Variants in PRH1 observed in about 807,000 individuals in gnomAD.
The protein encoded by PRH1 is proline rich protein HaeIII subfamily 1.
A neutral mutation model predicts 7.9 loss-of-function variants in PRH1; 7 were observed. The ratio of observed to expected loss-of-function variants is 0.89; its 90% CI spans 0.50 to 1.67. The LOEUF (loss-of-function observed/expected upper bound fraction) is 1.67, where lower values mean the gene tolerates loss of function less well. Among genes scored for constraint, PRH1 ranks in the 40% most tolerant of loss-of-function variants. PRH1 has a pLI of 0.00. For missense variants in PRH1, 109 were observed against 223.6 expected (o/e 0.49, Z 3.27); for synonymous variants, 45 against 80.8 (o/e 0.56, Z 2.38).
At chr12:10,965,839 T>A (rs1938474011) in intron 2 of PRH1, among the ~76,000 whole-genome samples, 1 of 152,224 alleles carries the variant, frequency 6.6e-6, no homozygotes, top group Non-Finnish European at 1.5e-5. Context: ...ATCATCACCA[T>A]GACCAATTTT....
At chr12:10,951,761 T>G (rs890532763) in intron 2 of PRH1, among the ~76,000 whole-genome samples, 7 of 152,222 alleles carry the variant, frequency 4.6e-5, no homozygotes, top group African/African-American at 1.4e-4. Context: ...TGTTTTCGAT[T>G]GAAGAATATT....
rs562139680 is a variant in PRH1 at position 11,062,336 on chromosome 12, T to C, written n.124-15148A>G. 89 of 1,542,878 alleles carry C rather than the reference T, an allele frequency of 5.8e-5. No homozygotes were observed. In the South Asian group the frequency reaches 1.1e-3, roughly 19 times the overall value. Reference sequence around the variant, plus strand: ...AGAAATTTTTAAAATGCTGGTGTAATATCACTGGTTGTGATTGCTTGAATA... The same window carrying C: ...AGAAATTTTTAAAATGCTGGTGTAACATCACTGGTTGTGATTGCTTGAATA... On this transcript the variant is annotated intron_variant and non_coding_transcript_variant, in intron 1 of 4. Transcript: ENST00000541977.
chr12:10,925,452 G>C (rs1293041835), intron 2 of PRH1, among the ~76,000 whole-genome samples: 1 of 152,230 alleles, frequency 6.6e-6, no homozygotes, highest in African/African-American at 2.4e-5. Flanking sequence ...CATTTCAAAG[G>C]ACAGGCTCAA....
At chr12:11,154,074 C>T (rs1268906208) in intron 1 of PRH1, among the ~76,000 whole-genome samples, 1 of 151,896 alleles carries the variant, frequency 6.6e-6, no homozygotes, top group Non-Finnish European at 1.5e-5. Flanking sequence ...ATATAGTATT[C>T]AACATACTCA....
chr12:11,150,458 G>A (rs1393093599), intron 1 of PRH1, among the ~76,000 whole-genome samples: 1 of 152,064 alleles, frequency 6.6e-6, no homozygotes, highest in Non-Finnish European at 1.5e-5. Context: ...AAGAAAATGT[G>A]GCACATATAC....
At chr12:11,061,187 A>G (rs765953241) in intron 1 of PRH1, among the ~76,000 whole-genome samples, 2 of 109,868 alleles carry the variant, frequency 1.8e-5, no homozygotes, top group Non-Finnish European at 4.2e-5. Context: ...TACACACAAA[A>G]ATACATATAT....
At chr12:10,938,174 C>CA in intron 2 of PRH1, 1 of 972,394 alleles carries the variant, frequency 1.0e-6, no homozygotes, top group South Asian at 1.8e-5. Flanking sequence ...CAAAGTTATA[C>CA]ACAATGAAAG....
At chr12:10,950,336 T>A (rs1950551275) in intron 2 of PRH1, among the ~76,000 whole-genome samples, 1 of 152,102 alleles carries the variant, frequency 6.6e-6, no homozygotes, top group Non-Finnish European at 1.5e-5. Flanking sequence ...CTAGGAGAAG[T>A]GTCTGAAAAT....
At chr12:10,888,482 T>C (rs941912402), upstream of PRH1, among the ~76,000 whole-genome samples, 3 of 152,216 alleles carry the variant, frequency 2.0e-5, no homozygotes, top group African/African-American at 7.2e-5. Flanking sequence ...AATTAGTTGT[T>C]ATACAAATAT....
downstream of PRH1, among the ~76,000 whole-genome samples, chr12:11,119,331 G>C (rs961911188): frequency 4.6e-5 from 7 of 150,604 alleles, no homozygotes; most frequent in Admixed American, 6.6e-5. Flanking sequence ...AAAAAAAATA[G>C]AAAGAGTGAA....
rs1035943695 is a variant in PRH1, at chr12:11,082,548, G to A, written n.124-35360C>T. ...CTGGAACTCTTGACCTCAGGTGATCGGCCAGCCTTGGCCTCCTAGAGTGCT... is the reference window on the plus strand; with the variant it reads ...CTGGAACTCTTGACCTCAGGTGATCAGCCAGCCTTGGCCTCCTAGAGTGCT... On this transcript the variant is annotated intron_variant and non_coding_transcript_variant, in intron 1 of 4. Transcript: ENST00000541977. 3.5e-5 allele frequency among the ~76,000 whole-genome samples: 4 copies of A among 112,798 alleles called. 1 individual carries two copies. In the South Asian group the frequency reaches 7.3e-4, roughly 21 times the overall value. The allele number at this position is 112,798 out of a possible 152,430, so 74.0% of individuals were successfully genotyped here.
intron 2 of PRH1, among the ~76,000 whole-genome samples, chr12:10,914,719 G>A (rs1046136974): frequency 1.3e-5 from 2 of 152,078 alleles, no homozygotes; most frequent in African/African-American, 2.4e-5. Flanking sequence ...ATACTACTTT[G>A]CAAGCAGGAA....
At chr12:11,171,206 C>CA (rs1230217211) in intron 1 of PRH1, 2 of 430,024 alleles carry the variant, frequency 4.7e-6, no homozygotes, top group African/African-American at 4.1e-5. Context: ...CTACGCGCCG[C>CA]ACTGCACCGA....
At chr12:10,938,210 T>C (rs1459854797) in intron 2 of PRH1, 2 of 1,294,044 alleles carry the variant, frequency 1.5e-6, no homozygotes, top group African/African-American at 1.5e-5. Context: ...TAAATTTATA[T>C]AACATACAAG....
chr12:10,986,927 T>A, intron 1 of PRH1: 3 of 1,150,266 alleles, frequency 2.6e-6, no homozygotes, highest in Non-Finnish European at 3.6e-6. Flanking sequence ...TTTAATACTC[T>A]GACCTTAAAT....
chr12:11,028,368 T>C (rs74062423), intron 1 of PRH1, among the ~76,000 whole-genome samples: 7,720 of 152,282 alleles, frequency 0.051, 659 homozygotes, highest in African/African-American at 0.17. Context: ...GCCAAGTACA[T>C]GCATCTGATG....
upstream of PRH1, chr12:10,884,341 G>A: frequency 2.6e-6 from 3 of 1,171,304 alleles, no homozygotes; most frequent in Non-Finnish European, 3.8e-6. Context: ...CCTCGCCTCA[G>A]AGACTGGCTT....
chr12:11,076,474 T>C (rs1944295615), intron 1 of PRH1, among the ~76,000 whole-genome samples: 1 of 128,262 alleles, frequency 7.8e-6, no homozygotes, highest in South Asian at 2.2e-4. Context: ...ATATTAGGAA[T>C]GGGAGACAAA....
In PRH1 at chr12:10,908,193, T is replaced by C. The variant is rs139098991; in HGVS notation, c.-58-23918A>G. 1.9e-3 allele frequency: 902 copies of C among 481,900 alleles called. 6 individuals carry two copies. The highest frequency in any genetic ancestry group is 0.016 in the African/African-American group (819 of 50,410). 29.9% of individuals were successfully genotyped at this position (481,900 alleles called of 1,614,324 possible). A position where few individuals can be genotyped will look rare whatever the true frequency, so the allele number is the denominator to read the frequency against. ...TTTCAAATTCCTAATAATGTAGAAA[T>C]ACATGTCATAAATACATAATATTCT... On this transcript the variant is annotated intron_variant, in intron 2 of 3. Coordinates refer to the PRH1 transcript ENST00000539853.
Sources: allele counts gnomAD v4.1 joint callset (sites outside exome capture counted in the v4.1 genomes callset), GRCh38; gene constraint gnomAD v4.1.1; transcripts MANE v1.5; gene names NCBI Gene and HGNC (gene_info 2026-07-23, HGNC 2026-07-21).